SMAD3: variants seen among roughly 807,000 people sequenced by gnomAD.
SMAD3 encodes the protein MAD homolog 3.
Under a neutral mutation model 51.8 loss-of-function variants are expected in SMAD3, and 12 were observed. That is an observed-to-expected ratio of 0.23 (90% CI 0.15 to 0.38). The LOEUF (loss-of-function observed/expected upper bound fraction) is 0.38. Ranked by LOEUF, SMAD3 falls within the 10% of genes least tolerant of loss-of-function variation. SMAD3 has a pLI of 1.00. For synonymous variants in SMAD3, 238 were observed against 227.7 expected, an observed-to-expected ratio of 1.05 and a Z score of -0.41; for missense variants, 294 against 565.6, an observed-to-expected ratio of 0.52 and a Z score of 4.87.
intron 1 of SMAD3, among the ~76,000 whole-genome samples, chr15:67,105,333 G>A (rs570668302): frequency 3.5e-4 from 53 of 152,280 alleles, no homozygotes; most frequent in African/African-American, 1.0e-3. Context: ...TGGGTAGGGA[G>A]GGGTAGGGGA....
At chr15:67,145,514 T>C (rs1244388915) in intron 1 of SMAD3, among the ~76,000 whole-genome samples, 1 of 152,230 alleles carries the variant, frequency 6.6e-6, no homozygotes, top group Non-Finnish European at 1.5e-5. Flanking sequence ...CATCTTACAG[T>C]GTCCTGACCT....
chr15:67,099,924 G>A (rs1208050911), intron 1 of SMAD3, among the ~76,000 whole-genome samples: 5 of 152,248 alleles, frequency 3.3e-5, no homozygotes, highest in Non-Finnish European at 1.5e-5. Context: ...GCTTGCGCCT[G>A]TAATCCCAGC....
chr15:67,139,981 G>A lies in SMAD3; in HGVS notation c.207-24914G>A, dbSNP rs147090315. Among the ~76,000 whole-genome samples the A allele has an allele frequency of 2.9e-3, 435 of 152,288 alleles. 1 individual carries two copies. The highest frequency in any genetic ancestry group is 0.01 in the African/African-American group (426 of 41,556). On this transcript the variant is annotated intron_variant, in intron 1 of 8. Transcript: ENST00000327367. ...TAAAAAAAAATACAGAATTAGCCAG[G>A]TGTGGTGGCACATGCCTGTAATCCT...
At chr15:67,130,859 C>T (rs929125916) in intron 1 of SMAD3, among the ~76,000 whole-genome samples, 23 of 145,934 alleles carry the variant, frequency 1.6e-4, no homozygotes, top group Admixed American at 6.9e-4. Flanking sequence ...TTTAACCCTT[C>T]GGTGGACAGG....
intron 1 of SMAD3, among the ~76,000 whole-genome samples, chr15:67,086,234 T>C (rs1960390229): frequency 1.3e-5 from 2 of 152,092 alleles, no homozygotes; most frequent in South Asian, 4.2e-4. Flanking sequence ...CCCCGGTGGA[T>C]TCTAGGGGCT....
At chr15:67,089,332 C>G (rs1368004334) in intron 1 of SMAD3, among the ~76,000 whole-genome samples, 1 of 152,198 alleles carries the variant, frequency 6.6e-6, no homozygotes, top group Non-Finnish European at 1.5e-5. Context: ...TTCCTTCAAT[C>G]TATGCCAGTC....
At chr15:67,168,775 C>T (rs1962661770) in intron 4 of SMAD3, among the ~76,000 whole-genome samples, 1 of 152,192 alleles carries the variant, frequency 6.6e-6, no homozygotes, top group Non-Finnish European at 1.5e-5. Context: ...TAGAGACAGA[C>T]CAGACTTGCG....
Position 67,193,441 on chromosome 15 carries a change from C to G in SMAD3, c.*2905C>G, listed in dbSNP as rs1963416569. 4.3e-6 allele frequency: 1 copy of G among 233,818 alleles called. No individual in the cohort carries two copies. Among genetic ancestry groups the G allele is most frequent in the South Asian group, 1.8e-4 (1 of 5,528 alleles). The allele number at this position is 233,818 out of a possible 1,614,324, so 14.5% of individuals were successfully genotyped here. A position where few individuals can be genotyped will look rare whatever the true frequency, so the allele number is the denominator to read the frequency against. ...TATTCCCTTTCCTCTCTCCCCTCCC[C>G]ACCTCGCTTCTTCCCAATTTAGTAA... On this transcript the variant is annotated 3_prime_UTR_variant, in exon 9 of 9. Transcript: ENST00000327367.
At position 67,183,031 on chromosome 15, in the gene SMAD3, A is replaced by AT. The variant is rs57749736; in HGVS notation, c.871+1598dup. On this transcript the variant is annotated intron_variant, in intron 6 of 8. Transcript: ENST00000327367. ...TATATATATATATATATATATATAT[A>AT]TTTTTTTTTTTTTTTTTTTTGGAGC... is the stretch of plus-strand genomic sequence containing the variant. 8.1e-3 allele frequency among the ~76,000 whole-genome samples: 240 copies of AT among 29,696 alleles called. 8 individuals carry two copies. Among genetic ancestry groups the AT allele is most frequent in the Admixed American group, 0.011 (15 of 1,318 alleles). 19.5% of individuals were successfully genotyped at this position (29,696 alleles called of 152,430 possible).
chr15:67,068,780 G>A lies in SMAD3; in HGVS notation c.206+2420G>A, dbSNP rs145815691. Among the ~76,000 whole-genome samples the A allele has an allele frequency of 6.0e-3, 920 of 152,212 alleles. 8 individuals are homozygous for A. Among genetic ancestry groups the A allele is most frequent in the Non-Finnish European group, 7.4e-3 (506 of 68,012 alleles). On this transcript the variant is annotated intron_variant, in intron 1 of 8. Coordinates refer to ENST00000327367, the MANE Select transcript of SMAD3 (RefSeq NM_005902.4). ...GGCAACAGCTGCTGCTGTTTTGGTCGTGGGCAGAAAACTAAAGGCCACGTC... is the reference window on the plus strand; with the variant it reads ...GGCAACAGCTGCTGCTGTTTTGGTCATGGGCAGAAAACTAAAGGCCACGTC...
chr15:67,120,736 C>T (rs923396706), intron 1 of SMAD3, among the ~76,000 whole-genome samples: 4 of 152,228 alleles, frequency 2.6e-5, no homozygotes, highest in Non-Finnish European at 2.9e-5. Flanking sequence ...AGGACTTGAA[C>T]TAAGACTTTC....
At chr15:67,071,501 G>A (rs1003408451) in intron 1 of SMAD3, among the ~76,000 whole-genome samples, 11 of 152,110 alleles carry the variant, frequency 7.2e-5, no homozygotes, top group Admixed American at 7.2e-4. Flanking sequence ...GAATATGACA[G>A]GGAGTGTTAA....
intron 6 of SMAD3, among the ~76,000 whole-genome samples, chr15:67,182,701 A>G (rs985204014): frequency 6.7e-6 from 1 of 149,502 alleles, no homozygotes; most frequent in Non-Finnish European, 1.5e-5. Context: ...GGGGTTGGGG[A>G]GGGTAGGGAA....
At chr15:67,123,569 G>A (rs1961318076) in intron 1 of SMAD3, among the ~76,000 whole-genome samples, 1 of 152,224 alleles carries the variant, frequency 6.6e-6, no homozygotes, top group Non-Finnish European at 1.5e-5. Context: ...ACAAGTGTTA[G>A]TAAATAGTAG....
At chr15:67,131,224 G>A (rs1054195865) in intron 1 of SMAD3, among the ~76,000 whole-genome samples, 8 of 152,302 alleles carry the variant, frequency 5.3e-5, no homozygotes, top group East Asian at 1.9e-4. Context: ...CAGAGTACTC[G>A]GCAGATTCCC....
At chr15:67,155,452 A>G (rs1314789406) in intron 1 of SMAD3, among the ~76,000 whole-genome samples, 1 of 152,198 alleles carries the variant, frequency 6.6e-6, no homozygotes, top group South Asian at 2.1e-4. Context: ...AAATAAAGGC[A>G]TGTTCTAATA....
rs917636996 is a variant in SMAD3, at chr15:67,071,793, C to T, written c.206+5433C>T. ...CGCCACTGCACTCCAGCCTGGGCGA[C>T]AGAGCGAGACTCTGTCTCAAAATAA... is the stretch of plus-strand genomic sequence containing the variant. On this transcript the variant is annotated intron_variant, in intron 1 of 8. Coordinates refer to ENST00000327367, the MANE Select transcript of SMAD3 (RefSeq NM_005902.4). Among the ~76,000 whole-genome samples the T allele has an allele frequency of 5.3e-5, 8 of 152,124 alleles. No homozygotes were observed. The East Asian group carries it at 1.5e-3, about 29-fold the overall frequency.
intron 5 of SMAD3, 128 bp downstream of exon 5, chr15:67,170,732 A>G (rs1962728525): frequency 1.3e-6 from 1 of 791,534 alleles, no homozygotes; most frequent in East Asian, 2.5e-5. Context: ...AGCTCAGCCC[A>G]TCAGGTTTCT....
intron 1 of SMAD3, among the ~76,000 whole-genome samples, chr15:67,097,599 T>A (rs1195617556): frequency 6.6e-6 from 1 of 152,184 alleles, no homozygotes; most frequent in African/African-American, 2.4e-5. Context: ...TCAAGCCTCC[T>A]GGAGCCTTGG....
Sources: allele counts gnomAD v4.1 joint callset (sites outside exome capture counted in the v4.1 genomes callset), GRCh38; gene constraint gnomAD v4.1.1; transcripts MANE v1.5; gene names NCBI Gene and HGNC (gene_info 2026-07-23, HGNC 2026-07-21).